NTN1: variants seen among roughly 807,000 people sequenced by gnomAD.
NTN1 encodes netrin 1.
Under a neutral mutation model 54.2 loss-of-function variants are expected in NTN1, and 11 were observed. That is an observed-to-expected ratio of 0.20 (90% CI 0.13 to 0.34). The LOEUF (loss-of-function observed/expected upper bound fraction) is 0.34. Among genes scored for constraint, NTN1 ranks in the 10% least tolerant of loss-of-function variants. The pLI is 1.00. For synonymous variants in NTN1, 371 were observed against 382.0 expected (o/e 0.97, Z 0.33); for missense variants, 740 against 893.1 (o/e 0.83, Z 2.18).
intron 5 of NTN1, among the ~76,000 whole-genome samples, chr17:9,208,137 C>T (rs984958486): frequency 6.6e-6 from 1 of 152,172 alleles, no homozygotes; most frequent in Admixed American, 6.5e-5. Flanking sequence ...GAGGCTGAGG[C>T]AGAAGAATCG....
intron 2 of NTN1, among the ~76,000 whole-genome samples, chr17:9,134,419 C>G (rs1290167421): frequency 6.6e-6 from 1 of 152,168 alleles, no homozygotes; most frequent in African/African-American, 2.4e-5. Flanking sequence ...GTTGCAGCTG[C>G]CTCTCTCTGG....
In NTN1 at chr17:9,221,418, C is replaced by A. The variant is rs944511411; in HGVS notation, c.1486+176C>A. ...AATTTCTCATCTTTTCCTCCTTGGCCCTCAGAGACGGGGGCATGAGGAGCC... is the reference window on the plus strand; with the variant it reads ...AATTTCTCATCTTTTCCTCCTTGGCACTCAGAGACGGGGGCATGAGGAGCC... On this transcript the variant is annotated intron_variant, in intron 6 of 6. Coordinates refer to ENST00000173229, the MANE Select transcript of NTN1 (RefSeq NM_004822.3). The surrounding 1 kb of genome is among the most constrained non-coding windows in gnomAD (Gnocchi z 4.5). Among the ~76,000 whole-genome samples, 1 of 152,188 alleles carries A rather than the reference C, an allele frequency of 6.6e-6. No homozygotes were observed. Among genetic ancestry groups the A allele is most frequent in the Non-Finnish European group, 1.5e-5 (1 of 68,028 alleles).
chr17:9,024,946 C>G (rs1006285604), intron 2 of NTN1, among the ~76,000 whole-genome samples: 2 of 152,164 alleles, frequency 1.3e-5, no homozygotes, highest in African/African-American at 4.8e-5. Flanking sequence ...GTTGGTTTTT[C>G]CCATCTCTTC....
intron 3 of NTN1, among the ~76,000 whole-genome samples, chr17:9,168,634 T>C (rs913582939): frequency 6.6e-6 from 1 of 152,198 alleles, no homozygotes; most frequent in Admixed American, 6.5e-5. Context: ...TAGATAGTGC[T>C]TGCACGTGTG....
At chr17:9,228,979 A>T (rs1214666512) in intron 6 of NTN1, among the ~76,000 whole-genome samples, 4 of 150,374 alleles carry the variant, frequency 2.7e-5, no homozygotes, top group Non-Finnish European at 4.4e-5. Flanking sequence ...TTTACGACTG[A>T]GACTGTGTGT....
intron 2 of NTN1, among the ~76,000 whole-genome samples, chr17:9,138,430 C>T (rs1484826796): frequency 6.6e-6 from 1 of 151,884 alleles, no homozygotes; most frequent in Non-Finnish European, 1.5e-5. Context: ...GTGCTACTTC[C>T]AGGGGGTAGG....
chr17:9,022,936 C>T lies in NTN1; in HGVS notation c.563C>T (p.Pro188Leu), dbSNP rs1567692031. 6.2e-7 allele frequency: 1 copy of T among 1,611,692 alleles called. No individual in the cohort carries two copies. The highest frequency in any genetic ancestry group is 1.3e-5 in the African/African-American group (1 of 74,816). ...CAGTGCCGCAAGATGTACAACCGGC[C>T]GCACCGCGCGCCCATCACCAAGCAG... ...STQCRKMYNRPHRAPITKQNE... is the reference protein window; with the variant it reads ...STQCRKMYNRLHRAPITKQNE... Residue 188 changes from proline (P) to leucine (L), a missense_variant, in exon 2 of 7, where the codon CCG becomes CTG. Coordinates refer to ENST00000173229, the MANE Select transcript of NTN1 (RefSeq NM_004822.3).
At chr17:9,058,140 T>C (rs2091984945) in intron 2 of NTN1, among the ~76,000 whole-genome samples, 1 of 152,214 alleles carries the variant, frequency 6.6e-6, no homozygotes, top group Non-Finnish European at 1.5e-5. Flanking sequence ...TATGCCTGCC[T>C]CGGCCTCCCA....
intron 3 of NTN1, among the ~76,000 whole-genome samples, chr17:9,169,289 T>C (rs1304021007): frequency 6.6e-6 from 1 of 152,192 alleles, no homozygotes. Context: ...CTTGATACAA[T>C]AGGACAATTC....
chr17:9,007,118 TTC>T, the NTN1 span, among the ~76,000 whole-genome samples: 2 of 152,322 alleles, frequency 1.3e-5, no homozygotes, highest in South Asian at 2.1e-4. Flanking sequence ...CTTTTCTTTT[TTC>T]TCTCTCTTTC....
At chr17:9,183,113 T>G (rs2092423772) in intron 5 of NTN1, 144 bp downstream of exon 5, 1 of 822,448 alleles carries the variant, frequency 1.2e-6, no homozygotes, top group East Asian at 2.5e-5. Context: ...CATCCTGGGT[T>G]GCATTGAAGA....
At chr17:9,196,923 C>G (rs1307468791) in intron 5 of NTN1, among the ~76,000 whole-genome samples, 1 of 152,148 alleles carries the variant, frequency 6.6e-6, no homozygotes, top group Non-Finnish European at 1.5e-5. Flanking sequence ...TCACGAGGGC[C>G]GACTGTGCAT....
intron 1 of NTN1, 143 bp from the exon 2 acceptor site, chr17:9,022,168 A>T: frequency 2.0e-6 from 1 of 510,216 alleles, no homozygotes; most frequent in East Asian, 3.8e-5. Flanking sequence ...CGCCCGCGGG[A>T]CTTTGGGGGA....
At chr17:9,018,864 G>A (rs2091837497), upstream of NTN1, among the ~76,000 whole-genome samples, 1 of 152,192 alleles carries the variant, frequency 6.6e-6, no homozygotes, top group Non-Finnish European at 1.5e-5. Flanking sequence ...CGAGCTCACT[G>A]TTGTGACTGT....
At chr17:9,072,020 GCA>G (rs1275235547) in intron 2 of NTN1, among the ~76,000 whole-genome samples, 1 of 152,214 alleles carries the variant, frequency 6.6e-6, no homozygotes. Context: ...TGGGATCTGA[GCA>G]CACACGCAGC....
chr17:9,169,474 C>T (rs1371466441), intron 3 of NTN1, among the ~76,000 whole-genome samples: 2 of 152,218 alleles, frequency 1.3e-5, no homozygotes, highest in Non-Finnish European at 2.9e-5. Flanking sequence ...TGTGCTCATT[C>T]CCTGGACACC....
At chr17:9,177,016 T>C (rs935659646) in intron 3 of NTN1, 1 of 152,276 alleles carries the variant, frequency 6.6e-6, no homozygotes, top group Non-Finnish European at 1.5e-5. Context: ...AAGAATACTC[T>C]GCCTTGGGCA....
intron 2 of NTN1, among the ~76,000 whole-genome samples, chr17:9,050,584 G>A (rs569833590): frequency 3.4e-5 from 5 of 148,644 alleles, no homozygotes; most frequent in African/African-American, 5.0e-5. Context: ...ACAGAGAATC[G>A]CTTGAACCTG....
chr17:9,208,878 C>G (rs1039822764), intron 5 of NTN1, among the ~76,000 whole-genome samples: 2 of 152,228 alleles, frequency 1.3e-5, no homozygotes, highest in African/African-American at 4.8e-5. Context: ...ACCACACCAA[C>G]CCATTTTCCT....
Sources: gnomAD v4.1 joint callset for allele counts (sites outside exome capture counted in the v4.1 genomes callset) on GRCh38, gnomAD v4.1.1 for gene constraint, Gnocchi (gnomAD v3.1) non-coding constraint, MANE v1.5 for transcripts, NCBI Gene and HGNC (gene_info 2026-07-23, HGNC 2026-07-21) for gene names.